Variants in NMNAT1 observed in about 807,000 individuals in gnomAD.
NMNAT1 encodes the protein nicotinamide nucleotide adenylyltransferase 1.
In NMNAT1, 11 loss-of-function variants were observed where a neutral mutation model predicts 16.7. That is an observed-to-expected ratio of 0.66 (90% CI 0.41 to 1.09). The LOEUF (loss-of-function observed/expected upper bound fraction) is 1.09, where lower values mean the gene tolerates loss of function less well. NMNAT1 is among the 50% of genes least tolerant of loss of function. NMNAT1 has a pLI of 0.00. For missense variants in NMNAT1, 280 were observed against 332.3 expected (o/e 0.84, Z 1.22); for synonymous variants, 110 against 119.8 (o/e 0.92, Z 0.53).
chr1:9,976,075 T>C (rs1641806216), intron 3 of NMNAT1, among the ~76,000 whole-genome samples: 2 of 151,952 alleles, frequency 1.3e-5, no homozygotes, highest in African/African-American at 4.8e-5. Flanking sequence ...TCAGCTGAGG[T>C]CAGGAGTTCG....
chr1:9,995,597 G>A, the NMNAT1 span, among the ~76,000 whole-genome samples: 2 of 152,084 alleles, frequency 1.3e-5, no homozygotes, highest in Admixed American at 6.6e-5. Context: ...AGGAGGCTGA[G>A]GCAGGAGAGT....
the NMNAT1 span, among the ~76,000 whole-genome samples, chr1:9,994,947 C>A: frequency 1.2e-4 from 19 of 152,020 alleles, no homozygotes; most frequent in African/African-American, 4.3e-4. Flanking sequence ...GGGGTTTCAC[C>A]ATGTTGACCA....
intron 3 of NMNAT1, among the ~76,000 whole-genome samples, chr1:9,980,176 C>T (rs554205429): frequency 2.0e-5 from 3 of 151,928 alleles, no homozygotes; most frequent in Non-Finnish European, 4.4e-5. Flanking sequence ...AGGTGATCCA[C>T]CCGCCTTGGC....
At chr1:9,971,751 C>T (rs1641692429) in intron 1 of NMNAT1, among the ~76,000 whole-genome samples, 2 of 152,062 alleles carry the variant, frequency 1.3e-5, no homozygotes, top group Non-Finnish European at 2.9e-5. Flanking sequence ...TTGCTTGAGA[C>T]CAGTAGTCTG....
At chr1:9,962,733 G>A (rs1482906243) in intron 1 of NMNAT1, among the ~76,000 whole-genome samples, 3 of 131,742 alleles carry the variant, frequency 2.3e-5, no homozygotes, top group Admixed American at 8.8e-5. Context: ...CCAGGCTGGA[G>A]TGCAGTGGCG....
intron 2 of NMNAT1, among the ~76,000 whole-genome samples, chr1:9,973,138 A>G (rs1303825616): frequency 6.6e-6 from 1 of 151,542 alleles, no homozygotes; most frequent in African/African-American, 2.4e-5. Context: ...TTTTTTTGAG[A>G]TGGACTTCAC....
chr1:9,961,381 GCTGT>G (rs910044840), intron 1 of NMNAT1, among the ~76,000 whole-genome samples: 16 of 152,142 alleles, frequency 1.1e-4, no homozygotes, highest in Admixed American at 2.0e-4. Flanking sequence ...TCTGACGCCA[GCTGT>G]CTGTCTGGTG....
chr1:9,953,602 A>G (rs906320586), intron 1 of NMNAT1, among the ~76,000 whole-genome samples: 4 of 151,552 alleles, frequency 2.6e-5, no homozygotes, highest in South Asian at 2.1e-4. Context: ...CACCACGCTC[A>G]GCTAATTTTT....
chr1:9,977,663 T>A (rs1031200497), intron 3 of NMNAT1, among the ~76,000 whole-genome samples: 2 of 151,678 alleles, frequency 1.3e-5, no homozygotes, highest in Non-Finnish European at 2.9e-5. Flanking sequence ...GTCCAGTAGT[T>A]CAAGACAAGC....
At position 9,953,868 on chromosome 1, in the gene NMNAT1, C is replaced by T. The variant is rs548769123; in HGVS notation, c.-57+10353C>T. Among the ~76,000 whole-genome samples, 121 of 120,904 alleles carry T rather than the reference C, an allele frequency of 1.0e-3. 1 individual carries two copies. The highest frequency in any genetic ancestry group is 1.5e-3 in the Non-Finnish European group (90 of 60,670). 79.3% of individuals were successfully genotyped at this position (120,904 alleles called of 152,430 possible). On this transcript the variant is annotated intron_variant, in intron 1 of 4. Coordinates refer to ENST00000377205, the MANE Select transcript of NMNAT1 (RefSeq NM_022787.4). ...TTGCCCAGGCTGGAGTGCAGTGGCA[C>T]GATCTTGGCTCACTGCAACCTCCGC...
chr1:9,973,404 AG>A (rs1381579498), intron 2 of NMNAT1, among the ~76,000 whole-genome samples: 3 of 152,116 alleles, frequency 2.0e-5, no homozygotes, highest in African/African-American at 7.2e-5. Context: ...CCCAGCTAAA[AG>A]TTTTCATAAA....
rs996088818 is a variant in NMNAT1, at chr1:9,983,723, A to C, written c.*1022A>C. On this transcript the variant is annotated 3_prime_UTR_variant, in exon 5 of 5. Coordinates refer to ENST00000377205, the MANE Select transcript of NMNAT1 (RefSeq NM_022787.4). ...ATCTGCCAAGTTAGTGAAAGGCTGG[A>C]GCCTCAAATCATACAGATGAGGGTC... 6.6e-6 allele frequency: 1 copy of C among 151,764 alleles called. No individual in the cohort carries two copies. Among genetic ancestry groups the C allele is most frequent in the African/African-American group, 2.4e-5 (1 of 41,306 alleles). The allele number at this position is 151,764 out of a possible 1,614,324, so 9.4% of individuals were successfully genotyped here. A position where few individuals can be genotyped will look rare whatever the true frequency, so the allele number is the denominator to read the frequency against.
In NMNAT1 at chr1:9,982,380, C is replaced by T. The variant is rs1557475872; in HGVS notation, c.519C>T (p.Asp173=). 6.2e-7 allele frequency: 1 copy of T among 1,614,136 alleles called. No individual in the cohort carries two copies. The highest frequency in any genetic ancestry group is 8.5e-7 in the Non-Finnish European group (1 of 1,180,034). ...FAVPNLWKSE[D]ITQIVANYGL... ...TTCCCAATTTGTGGAAGAGTGAAGA[C>T]ATCACCCAAATCGTGGCCAACTATG... The change falls in exon 5 of 5, where the codon GAC becomes GAT. Residue 173 remains aspartate, a synonymous_variant. Coordinates refer to ENST00000377205, the MANE Select transcript of NMNAT1 (RefSeq NM_022787.4).
intron 1 of NMNAT1, among the ~76,000 whole-genome samples, chr1:9,958,543 A>G (rs7518444): frequency 1.3e-5 from 2 of 151,364 alleles, no homozygotes; most frequent in Admixed American, 6.6e-5. Context: ...GGGTTCAAGC[A>G]ATTCTCCTGC....
rs916119762 is a variant in NMNAT1 at position 9,970,794 on chromosome 1, G to C, written c.-56-1224G>C. 5.3e-5 allele frequency among the ~76,000 whole-genome samples: 8 copies of C among 152,014 alleles called. 1 individual carries two copies. Among genetic ancestry groups the C allele is most frequent in the Non-Finnish European group, 1.2e-4 (8 of 68,010 alleles). ...GTGGAATAACTGATATGAAAAAGAGGTTTGTAAATTATATTCTATTATTTA... is the reference window on the plus strand; with the variant it reads ...GTGGAATAACTGATATGAAAAAGAGCTTTGTAAATTATATTCTATTATTTA... On this transcript the variant is annotated intron_variant, in intron 1 of 4. Coordinates refer to ENST00000377205, the MANE Select transcript of NMNAT1 (RefSeq NM_022787.4).
At chr1:9,958,857 T>A (rs1641332105) in intron 1 of NMNAT1, among the ~76,000 whole-genome samples, 1 of 152,158 alleles carries the variant, frequency 6.6e-6, no homozygotes, top group Non-Finnish European at 1.5e-5. Flanking sequence ...GGTAGACAAA[T>A]GTGTCAAACA....
Position 9,982,604 on chromosome 1 carries a change from T to C in NMNAT1, c.743T>C (p.Ile248Thr). ...YLVPDLVQEY[I>T]EKHNLYSSES... Reference sequence around the variant, plus strand: ...GTACCAGATCTTGTCCAAGAATACATTGAAAAGCATAATTTGTACAGCTCT... The same window carrying C: ...GTACCAGATCTTGTCCAAGAATACACTGAAAAGCATAATTTGTACAGCTCT... Residue 248 changes from isoleucine (I) to threonine (T), a missense_variant, in exon 5 of 5, where the codon ATT becomes ACT. By Grantham distance (89) the Ile-to-Thr change is moderately conservative (BLOSUM62 -1). Transcript: ENST00000377205. The C allele has an allele frequency of 1.5e-5, 24 of 1,614,118 alleles. No individual in the cohort carries two copies. The highest frequency in any genetic ancestry group is 1.9e-5 in the Non-Finnish European group (22 of 1,180,024).
rs762271207 is a variant in NMNAT1, at chr1:9,981,103, A to G, written c.372A>G (p.Gly124=). ...QQNSPTLERP[G]RKRKWTETQD... ...ACTCACCTACTCTAGAAAGGCCTGG[A>G]AGGAAGAGGAAGTGGACTGAAACAC... is the stretch of plus-strand genomic sequence containing the variant. Residue 124 remains glycine, a synonymous_variant, in exon 4 of 5, where the codon GGA becomes GGG. Coordinates refer to ENST00000377205, the MANE Select transcript of NMNAT1 (RefSeq NM_022787.4). 8.7e-6 allele frequency: 14 copies of G among 1,613,806 alleles called. No homozygotes were observed. The highest frequency in any genetic ancestry group is 2.7e-5 in the African/African-American group (2 of 74,920).
At chr1:9,978,926 T>C (rs1288789519) in intron 3 of NMNAT1, among the ~76,000 whole-genome samples, 1 of 152,162 alleles carries the variant, frequency 6.6e-6, no homozygotes, top group East Asian at 1.9e-4. Context: ...TTCTGGTTCT[T>C]TGTCACAAGA....
Sources: gnomAD v4.1 joint callset for allele counts (sites outside exome capture counted in the v4.1 genomes callset) on GRCh38, gnomAD v4.1.1 for gene constraint, MANE v1.5 for transcripts, NCBI Gene and HGNC (gene_info 2026-07-23, HGNC 2026-07-21) for gene names.